Variants in NAALADL2 observed in about 807,000 individuals in gnomAD.
The protein encoded by NAALADL2 is inactive N-acetylated-alpha-linked acidic dipeptidase-like protein 2.
A neutral mutation model predicts 87.2 loss-of-function variants in NAALADL2; 76 were observed. The observed-to-expected ratio is 0.87, with a 90% confidence interval of 0.72 to 1.05. NAALADL2 has a LOEUF of 1.05. Among genes scored for constraint, NAALADL2 ranks in the 50% least tolerant of loss-of-function variants. The probability of loss-of-function intolerance (pLI) is 0.00; values close to 1 mark genes in which losing one functional copy is unlikely to be tolerated. For synonymous variants in NAALADL2, 354 were observed against 331.0 expected, an observed-to-expected ratio of 1.07 and a Z score of -0.75; for missense variants, 1,089 against 945.8, an observed-to-expected ratio of 1.15 and a Z score of -1.99.
chr3:175,797,670 AGGAG>A (rs1319865203), intron 13 of NAALADL2, among the ~76,000 whole-genome samples: 1 of 152,010 alleles, frequency 6.6e-6, no homozygotes, highest in East Asian at 1.9e-4. Flanking sequence ...TCTATAATGG[AGGAG>A]GGACACACTT....
chr3:175,727,729 C>T (rs904875061), intron 11 of NAALADL2, among the ~76,000 whole-genome samples: 2 of 152,210 alleles, frequency 1.3e-5, no homozygotes, highest in African/African-American at 4.8e-5. Flanking sequence ...TTTCCTATCT[C>T]TTTCTCCTCC....
chr3:175,289,003 C>T (rs1218967927), intron 4 of NAALADL2, among the ~76,000 whole-genome samples: 1 of 152,058 alleles, frequency 6.6e-6, no homozygotes, highest in Admixed American at 6.6e-5. Flanking sequence ...CCTGGTAAAA[C>T]TTGATCTCTT....
intron 3 of NAALADL2, among the ~76,000 whole-genome samples, chr3:174,844,860 T>TG: frequency 6.9e-6 from 1 of 144,130 alleles, no homozygotes; most frequent in Non-Finnish European, 1.5e-5. Context: ...TTTTTTTTTT[T>TG]TTGGGGGAGT....
intron 1 of NAALADL2, among the ~76,000 whole-genome samples, chr3:174,461,467 C>CT (rs1160697767): frequency 6.6e-6 from 1 of 151,552 alleles, no homozygotes; most frequent in Non-Finnish European, 1.5e-5. Flanking sequence ...CACCTTTATC[C>CT]CCCTTGAATG....
At chr3:174,721,495 A>AT in intron 2 of NAALADL2, among the ~76,000 whole-genome samples, 2 of 152,204 alleles carry the variant, frequency 1.3e-5, no homozygotes. Context: ...GAATTCCGTA[A>AT]TTTTGAATGG....
At chr3:175,679,277 TA>T (rs77297220) in intron 11 of NAALADL2, among the ~76,000 whole-genome samples, 16,547 of 132,042 alleles carry the variant, frequency 0.13, 940 homozygotes, top group Middle Eastern at 0.19. Flanking sequence ...AAAGTATAGT[TA>T]AAAAAAAAAA....
intron 9 of NAALADL2, among the ~76,000 whole-genome samples, chr3:175,505,881 G>C (rs1024830591): frequency 6.6e-6 from 1 of 152,090 alleles, no homozygotes; most frequent in Admixed American, 6.6e-5. Context: ...TTACATCATT[G>C]GATTTTTTAA....
At chr3:175,256,684 A>G (rs1326084561) in intron 4 of NAALADL2, 154 bp downstream of exon 4, 3 of 558,322 alleles carry the variant, frequency 5.4e-6, no homozygotes, top group Non-Finnish European at 8.7e-6. Context: ...AGTGTCACAG[A>G]AAGATGGCTT....
intron 2 of NAALADL2, among the ~76,000 whole-genome samples, chr3:174,730,181 T>A (rs575047785): frequency 1.3e-5 from 2 of 152,288 alleles, no homozygotes; most frequent in African/African-American, 4.8e-5. Flanking sequence ...TTCCCTATGA[T>A]TAATTATTTC....
intron 2 of NAALADL2, among the ~76,000 whole-genome samples, chr3:174,682,552 A>G (rs568584304): frequency 6.6e-6 from 1 of 152,322 alleles, no homozygotes; most frequent in Admixed American, 6.5e-5. Context: ...GCATCTCAGC[A>G]CAGAGAGACT....
chr3:175,419,687 G>A (rs908065792), intron 5 of NAALADL2, among the ~76,000 whole-genome samples: 1 of 151,946 alleles, frequency 6.6e-6, no homozygotes, highest in African/African-American at 2.4e-5. Flanking sequence ...TTTTATTACT[G>A]CCCATTTTCC....
At chr3:174,558,335 C>T (rs1713119638) in intron 2 of NAALADL2, among the ~76,000 whole-genome samples, 1 of 151,912 alleles carries the variant, frequency 6.6e-6, no homozygotes, top group Non-Finnish European at 1.5e-5. Flanking sequence ...GACAGTTTTT[C>T]CACAGACTGG....
intron 1 of NAALADL2, among the ~76,000 whole-genome samples, chr3:175,016,584 G>T (rs1417213582): frequency 6.6e-6 from 1 of 151,232 alleles, no homozygotes; most frequent in Non-Finnish European, 1.5e-5. Flanking sequence ...AATTTAATTT[G>T]TGTATATACA....
intron 1 of NAALADL2, among the ~76,000 whole-genome samples, chr3:174,913,074 A>G (rs1733913675): frequency 6.6e-6 from 1 of 152,182 alleles, no homozygotes; most frequent in African/African-American, 2.4e-5. Flanking sequence ...GCATATTTTC[A>G]CATTTTAAAG....
chr3:175,134,640 A>T (rs1728817083), intron 2 of NAALADL2, among the ~76,000 whole-genome samples: 1 of 152,200 alleles, frequency 6.6e-6, no homozygotes, highest in African/African-American at 2.4e-5. Flanking sequence ...CTCCATTTTT[A>T]ATAGTTAATA....
At chr3:175,466,584 A>G (rs1410659114) in intron 7 of NAALADL2, among the ~76,000 whole-genome samples, 1 of 152,196 alleles carries the variant, frequency 6.6e-6, no homozygotes, top group Non-Finnish European at 1.5e-5. Context: ...TTTAATATTT[A>G]AAGCGCCTTC....
At chr3:174,928,632 G>A (rs1039784368) in intron 1 of NAALADL2, among the ~76,000 whole-genome samples, 1 of 152,092 alleles carries the variant, frequency 6.6e-6, no homozygotes, top group Non-Finnish European at 1.5e-5. Context: ...TCAGTTATTC[G>A]CAACAGAAAT....
chr3:175,396,477 A>G (rs1769802433), intron 5 of NAALADL2, among the ~76,000 whole-genome samples: 1 of 152,188 alleles, frequency 6.6e-6, no homozygotes, highest in African/African-American at 2.4e-5. Flanking sequence ...CCACGGTGTG[A>G]ATTTCCACTG....
intron 9 of NAALADL2, among the ~76,000 whole-genome samples, chr3:175,484,223 A>G (rs1726922117): frequency 6.6e-6 from 1 of 152,160 alleles, no homozygotes; most frequent in South Asian, 2.1e-4. Flanking sequence ...AGTTACATTT[A>G]TAATATATAC....
Sources: gnomAD v4.1 joint callset for allele counts (sites outside exome capture counted in the v4.1 genomes callset) on GRCh38, gnomAD v4.1.1 for gene constraint, MANE v1.5 for transcripts, NCBI Gene and HGNC (gene_info 2026-07-23, HGNC 2026-07-21) for gene names.